Variants in TMEM132C observed in about 807,000 individuals in gnomAD.
TMEM132C encodes transmembrane protein 132C, also known as protein phosphatase 1, regulatory subunit 152.
Under a neutral mutation model 61.4 loss-of-function variants are expected in TMEM132C, and 29 were observed. The ratio of observed to expected loss-of-function variants is 0.47; its 90% CI spans 0.35 to 0.64. TMEM132C has a LOEUF of 0.64. TMEM132C is among the 30% of genes least tolerant of loss of function. The pLI is 0.00. For synonymous variants in TMEM132C, 656 were observed against 633.1 expected (o/e 1.04, Z -0.54); for missense variants, 1,408 against 1,476.9 (o/e 0.95, Z 0.76).
At chr12:128,455,336 A>G (rs567173118) in intron 2 of TMEM132C, among the ~76,000 whole-genome samples, 1 of 152,310 alleles carries the variant, frequency 6.6e-6, no homozygotes, top group South Asian at 2.1e-4. Context: ...GGAGGTGGTT[A>G]ATTTCTGAAA....
intron 2 of TMEM132C, among the ~76,000 whole-genome samples, chr12:128,444,981 A>G (rs1235017744): frequency 6.6e-6 from 1 of 152,226 alleles, no homozygotes; most frequent in Non-Finnish European, 1.5e-5. Context: ...AAAGGCAAAT[A>G]TATCGGGCTT....
At chr12:128,271,303 AATAAAATG>A (rs1566037334) in intron 1 of TMEM132C, among the ~76,000 whole-genome samples, 1 of 133,824 alleles carries the variant, frequency 7.5e-6, no homozygotes, top group African/African-American at 2.9e-5. Flanking sequence ...TAATAATAAT[AATAAAATG>A]AAATGAAGAG....
chr12:128,547,396 A>C (rs1333276233), intron 3 of TMEM132C, among the ~76,000 whole-genome samples: 1 of 80,858 alleles, frequency 1.2e-5, no homozygotes, highest in Admixed American at 1.5e-4. Context: ...TCTACTAAAA[A>C]TACAAAAAAA....
intron 2 of TMEM132C, among the ~76,000 whole-genome samples, chr12:128,460,117 G>C (rs1870484453): frequency 1.3e-5 from 2 of 152,122 alleles, no homozygotes. Context: ...AACTCGTTGG[G>C]AGATAGAATA....
At chr12:128,369,699 G>C (rs923626524) in intron 1 of TMEM132C, among the ~76,000 whole-genome samples, 1 of 152,156 alleles carries the variant, frequency 6.6e-6, no homozygotes, top group Non-Finnish European at 1.5e-5. Context: ...TCAAGTTTCA[G>C]CCTTGGGATG....
intron 2 of TMEM132C, among the ~76,000 whole-genome samples, chr12:128,489,215 G>A (rs988504628): frequency 1.3e-5 from 2 of 152,050 alleles, no homozygotes; most frequent in African/African-American, 4.8e-5. Context: ...CCTGCTAGAC[G>A]AGGGTGGAAG....
intron 3 of TMEM132C, among the ~76,000 whole-genome samples, chr12:128,604,252 GGATA>G (rs1292600416): frequency 2.6e-5 from 4 of 152,100 alleles, no homozygotes; most frequent in Admixed American, 6.5e-5. Context: ...ATGGATTGAA[GGATA>G]GATAGAATGG....
intron 2 of TMEM132C, among the ~76,000 whole-genome samples, chr12:128,487,010 T>A (rs141551860): frequency 3.3e-5 from 5 of 152,238 alleles, no homozygotes; most frequent in African/African-American, 1.2e-4. Flanking sequence ...TGTAAATTGC[T>A]ACTCTGTTCT....
intron 2 of TMEM132C, 129 bp from the exon 3 acceptor site, chr12:128,543,828 T>G: frequency 1.6e-6 from 2 of 1,279,852 alleles, no homozygotes; most frequent in Non-Finnish European, 2.1e-6. Context: ...CAGCTTTGCC[T>G]CTCACTAGAT....
chr12:128,507,402 C>CTTTT (rs111625089), intron 2 of TMEM132C, among the ~76,000 whole-genome samples: 2 of 113,402 alleles, frequency 1.8e-5, no homozygotes, highest in Non-Finnish European at 1.8e-5. Context: ...TTTTTTCTTT[C>CTTTT]TTTTTTTTTT....
At chr12:128,378,535 G>T (rs924728179) in intron 1 of TMEM132C, among the ~76,000 whole-genome samples, 2 of 152,174 alleles carry the variant, frequency 1.3e-5, no homozygotes, top group African/African-American at 4.8e-5. Context: ...ATTTCGACAG[G>T]AGAGCACAAT....
At chr12:128,591,767 G>A (rs975654960) in intron 3 of TMEM132C, among the ~76,000 whole-genome samples, 13 of 152,002 alleles carry the variant, frequency 8.6e-5, no homozygotes, top group African/African-American at 3.1e-4. Context: ...TAAAAAAACT[G>A]ACAGCCAGGC....
At chr12:128,640,655 G>A (rs998389421) in intron 4 of TMEM132C, among the ~76,000 whole-genome samples, 18 of 152,194 alleles carry the variant, frequency 1.2e-4, no homozygotes, top group African/African-American at 4.1e-4. Flanking sequence ...CAACACTTTG[G>A]GAGGCGGAGG....
chr12:128,528,301 C>T (rs756918582), intron 2 of TMEM132C, among the ~76,000 whole-genome samples: 4 of 152,194 alleles, frequency 2.6e-5, no homozygotes, highest in Non-Finnish European at 5.9e-5. Flanking sequence ...GACCACAGCA[C>T]GATCTCTCCT....
At chr12:128,660,069 A>G (rs1335220657) in intron 4 of TMEM132C, among the ~76,000 whole-genome samples, 1 of 152,212 alleles carries the variant, frequency 6.6e-6, no homozygotes, top group Non-Finnish European at 1.5e-5. Context: ...CCAAGGGTTC[A>G]GGGAGCTGGG....
intron 3 of TMEM132C, among the ~76,000 whole-genome samples, chr12:128,563,794 A>G (rs1223445289): frequency 6.6e-6 from 1 of 152,210 alleles, no homozygotes; most frequent in Non-Finnish European, 1.5e-5. Flanking sequence ...TCCTCAATAA[A>G]TATTATCTCT....
chr12:128,669,025 G>A (rs1033119020), intron 4 of TMEM132C, among the ~76,000 whole-genome samples: 1 of 152,182 alleles, frequency 6.6e-6, no homozygotes, highest in South Asian at 2.1e-4. Flanking sequence ...GATATCTTTT[G>A]CAGGAGGTGA....
chr12:128,503,207 C>G (rs1435874666), intron 2 of TMEM132C, among the ~76,000 whole-genome samples: 1 of 152,226 alleles, frequency 6.6e-6, no homozygotes, highest in Non-Finnish European at 1.5e-5. Context: ...ACAGCAGAGT[C>G]TGTCACATCT....
intron 1 of TMEM132C, among the ~76,000 whole-genome samples, chr12:128,339,677 TAA>T (rs35420656): frequency 7.4e-5 from 10 of 135,830 alleles, no homozygotes; most frequent in Admixed American, 7.5e-5. Flanking sequence ...ACACCAGTAC[TAA>T]AAAAAAAAAA....
Sources: gnomAD v4.1 joint callset for allele counts (sites outside exome capture counted in the v4.1 genomes callset) on GRCh38, gnomAD v4.1.1 for gene constraint, MANE v1.5 for transcripts, NCBI Gene and HGNC (gene_info 2026-07-23, HGNC 2026-07-21) for gene names.